The following SERINC5 variants were observed in gnomAD, a reference collection of about 807,000 sequenced individuals.
SERINC5 encodes the protein chromosome 5 open reading frame 12.
In SERINC5, 41 loss-of-function variants were observed where a neutral mutation model predicts 63.1. That is an observed-to-expected ratio of 0.65 (90% confidence interval 0.51 to 0.84). The LOEUF is 0.84. Ranked by LOEUF, SERINC5 falls within the 40% of genes least tolerant of loss-of-function variation. The pLI is 0.00. For synonymous variants in SERINC5, 222 were observed against 215.2 expected (o/e 1.03, Z -0.28); for missense variants, 523 against 573.0 (o/e 0.91, Z 0.89).
intron 1 of SERINC5, among the ~76,000 whole-genome samples, chr5:80,239,467 CT>C (rs35238009): frequency 0.43 from 57,848 of 133,726 alleles, 11,691 homozygotes; most frequent in Middle Eastern, 0.52. Flanking sequence ...CACTGGGATT[CT>C]TTTTTTTTTT....
At position 80,139,860 on chromosome 5, in the gene SERINC5, C is replaced by T. The variant is rs10072008; in HGVS notation, c.*3803G>A. On this transcript the variant is annotated 3_prime_UTR_variant, in exon 12 of 12. Coordinates refer to ENST00000507668, the MANE Select transcript of SERINC5 (RefSeq NM_001174072.3). The stretch of plus-strand genomic sequence containing the variant: ...TCCCTTCTTAGTTGTAGGTTGGGCC[C>T]TCTTTCGTTTCCAAGAGGTATAGGA... 107,079 of 985,146 alleles carry T rather than the reference C, an allele frequency of 0.11. 6,191 individuals are homozygous for T. Among genetic ancestry groups the T allele is most frequent in the East Asian group, 0.24 (2,088 of 8,796 alleles). 61.0% of individuals were successfully genotyped at this position (985,146 alleles called of 1,614,324 possible). A position where few individuals can be genotyped will look rare whatever the true frequency, so the allele number is the denominator to read the frequency against.
At chr5:80,115,862 T>C (rs767241497) in intron 11 of SERINC5, among the ~76,000 whole-genome samples, 1 of 152,100 alleles carries the variant, frequency 6.6e-6, no homozygotes, top group Non-Finnish European at 1.5e-5. Context: ...CAATGGCTCT[T>C]TGACAAACCT....
intron 8 of SERINC5, chr5:80,158,621 T>G (rs1273257485): frequency 7.8e-6 from 4 of 515,512 alleles, no homozygotes; most frequent in Non-Finnish European, 1.4e-5. Flanking sequence ...AGTTCAAATA[T>G]TTACATACCA....
intron 10 of SERINC5, 21 bp downstream of exon 10, chr5:80,147,224 G>GAATAA: frequency 6.3e-7 from 1 of 1,577,626 alleles, no homozygotes; most frequent in Non-Finnish European, 8.6e-7. Flanking sequence ...CAGGTGCAAA[G>GAATAA]AATAAAAGCG....
chr5:80,117,074 G>A (rs960162138), intron 11 of SERINC5, among the ~76,000 whole-genome samples: 16 of 151,798 alleles, frequency 1.1e-4, no homozygotes, highest in Admixed American at 4.6e-4. Flanking sequence ...CAGGCGATCC[G>A]CCCGCCTCAG....
chr5:80,249,294 A>G (rs530293133), intron 1 of SERINC5, among the ~76,000 whole-genome samples: 5 of 152,004 alleles, frequency 3.3e-5, no homozygotes, highest in Middle Eastern at 3.4e-3. Flanking sequence ...CAGCCTGGGC[A>G]ACACAGCGAG....
chr5:80,155,339 C>T (rs1326760867), intron 8 of SERINC5, among the ~76,000 whole-genome samples: 14 of 152,048 alleles, frequency 9.2e-5, no homozygotes, highest in Non-Finnish European at 5.9e-5. Flanking sequence ...CCAAGGCGGG[C>T]GGATCACCTG....
At chr5:80,228,342 T>C (rs1751268655) in intron 1 of SERINC5, among the ~76,000 whole-genome samples, 1 of 150,382 alleles carries the variant, frequency 6.6e-6, no homozygotes, top group Non-Finnish European at 1.5e-5. Flanking sequence ...AAAGAAAAAA[T>C]GTATAGACAC....
At chr5:80,135,172 T>C (rs992302258), downstream of SERINC5, among the ~76,000 whole-genome samples, 60 of 152,174 alleles carry the variant, frequency 3.9e-4, no homozygotes, top group African/African-American at 1.4e-3. Context: ...TAGCTAGGAC[T>C]ATAGGCACAT....
chr5:80,183,603 C>G (rs1291986179), intron 2 of SERINC5, among the ~76,000 whole-genome samples: 1 of 152,140 alleles, frequency 6.6e-6, no homozygotes, highest in Admixed American at 6.5e-5. Context: ...TGACATTCCA[C>G]CATTGTGATT....
intron 2 of SERINC5, among the ~76,000 whole-genome samples, chr5:80,178,537 ATTTTTTTT>A (rs1182662594): frequency 2.6e-5 from 2 of 77,560 alleles, no homozygotes; most frequent in African/African-American, 9.6e-5. Context: ...TAATTTTTGT[ATTTTTTTT>A]TTTTTTTTTT....
At chr5:80,229,212 TG>T (rs1751320615) in intron 1 of SERINC5, among the ~76,000 whole-genome samples, 1 of 151,722 alleles carries the variant, frequency 6.6e-6, no homozygotes, top group Admixed American at 6.6e-5. Context: ...TTAGTAGAGA[TG>T]GGGTTTCACC....
At chr5:80,125,226 ATC>A (rs1240151249) in intron 11 of SERINC5, among the ~76,000 whole-genome samples, 1 of 152,196 alleles carries the variant, frequency 6.6e-6, no homozygotes, top group Non-Finnish European at 1.5e-5. Context: ...CAAAACCACA[ATC>A]TCTACCCTCA....
intron 11 of SERINC5, chr5:80,144,024 C>A: frequency 1.8e-6 from 1 of 559,046 alleles, no homozygotes; most frequent in South Asian, 2.3e-5. Context: ...CCCATGGCCC[C>A]CTCAGCCCAC....
chr5:80,146,545 C>T (rs573891224), intron 10 of SERINC5, among the ~76,000 whole-genome samples: 4 of 152,286 alleles, frequency 2.6e-5, no homozygotes, highest in African/African-American at 9.6e-5. Context: ...CTCCACCTCC[C>T]AGGTTCAAGC....
chr5:80,153,977 A>G (rs1487554530), intron 8 of SERINC5, among the ~76,000 whole-genome samples: 12 of 152,242 alleles, frequency 7.9e-5, no homozygotes. Flanking sequence ...AAATCTCTAA[A>G]TAACACGTCC....
chr5:80,136,987 A>T (rs965847922), downstream of SERINC5, among the ~76,000 whole-genome samples: 2 of 151,854 alleles, frequency 1.3e-5, no homozygotes, highest in Non-Finnish European at 2.9e-5. Context: ...AAATACAAAA[A>T]TTAGCCAGGC....
chr5:80,205,682 T>G (rs1337861149), intron 1 of SERINC5, among the ~76,000 whole-genome samples: 3 of 152,174 alleles, frequency 2.0e-5, no homozygotes, highest in Non-Finnish European at 4.4e-5. Context: ...AGGATGGTGA[T>G]TAAAAGCTCA....
intron 7 of SERINC5, among the ~76,000 whole-genome samples, chr5:80,159,516 C>T (rs776697095): frequency 2.6e-5 from 4 of 151,968 alleles, no homozygotes; most frequent in Non-Finnish European, 5.9e-5. Flanking sequence ...TTGCATGCAA[C>T]TCCTAAAATC....
Sources: gnomAD v4.1 joint callset for allele counts (sites outside exome capture counted in the v4.1 genomes callset) on GRCh38, gnomAD v4.1.1 for gene constraint, MANE v1.5 for transcripts, NCBI Gene and HGNC (gene_info 2026-07-23, HGNC 2026-07-21) for gene names.